The following RABL6 variants were observed in gnomAD, a reference collection of about 807,000 sequenced individuals.
The protein encoded by RABL6 is RAB, member RAS oncogene family like 6.
RABL6 carries 28 observed loss-of-function variants against 72.9 expected under a neutral mutation model. The ratio of observed to expected loss-of-function variants is 0.38; its 90% CI spans 0.28 to 0.53. RABL6 has a LOEUF of 0.53. RABL6 is among the 20% of genes least tolerant of loss of function. The probability of loss-of-function intolerance (pLI) is 0.80; values close to 1 mark genes in which losing one functional copy is unlikely to be tolerated. For missense variants in RABL6, 1,029 were observed against 1,008.4 expected (o/e 1.02, Z -0.28); for synonymous variants, 477 against 421.2 (o/e 1.13, Z -1.62).
chr9:136,840,512 A>AGGAGCTCTAGGCCGGC lies in RABL6; in HGVS notation c.2182_*7dup. On this transcript the variant is annotated stop_gained and frameshift_variant, in exon 15 of 15. Coordinates refer to ENST00000311502, the MANE Select transcript of RABL6 (RefSeq NM_024718.5). LOFTEE classifies it high-confidence loss of function. ...CGCCACCCTGGGGGTGGCGACTACG[A>AGGAGCTCTAGGCCGGC]GGAGCTCTAGGCCGGCGTGGGCAGT... 6.5e-7 allele frequency: 1 copy of AGGAGCTCTAGGCCGGC among 1,528,156 alleles called. No individual in the cohort carries two copies. Among genetic ancestry groups the AGGAGCTCTAGGCCGGC allele is most frequent in the Non-Finnish European group, 8.8e-7 (1 of 1,138,496 alleles). 94.7% of individuals were successfully genotyped at this position (1,528,156 alleles called of 1,614,324 possible).
intron 1 of RABL6, chr9:136,808,949 C>T (rs998891527): frequency 1.3e-5 from 2 of 152,180 alleles, no homozygotes; most frequent in African/African-American, 2.4e-5. Context: ...AAGGAGGAGT[C>T]ATTTACGGAC....
chr9:136,839,570 G>A, intron 12 of RABL6, 84 bp downstream of exon 12: 2 of 1,552,538 alleles, frequency 1.3e-6, no homozygotes, highest in East Asian at 2.3e-5. Context: ...TGCAGTGGGA[G>A]GAGGCTTCTG....
chr9:136,835,496 C>A, intron 7 of RABL6: 1 of 467,878 alleles, frequency 2.1e-6, no homozygotes, highest in Non-Finnish European at 3.8e-6. Context: ...CTGTGACTGA[C>A]AGCTGTCCCC....
In RABL6 at chr9:136,837,936, C is replaced by T. The variant is rs768380422; in HGVS notation, c.1201C>T (p.Arg401Cys). Residue 401 changes from arginine to cysteine, a missense_variant, in exon 10 of 15, where the codon CGC becomes TGC. By Grantham distance (180) the Arg-to-Cys change is radical (BLOSUM62 -3). Transcript: ENST00000311502. ...EDFVPDDRLD[R>C]SFLEDTTPAR... ...CTTTGTTCCTGACGACCGCCTGGAC[C>T]GCAGCTTCCTGGAAGACACAACCCC... 2.2e-5 allele frequency: 35 copies of T among 1,559,948 alleles called. No individual in the cohort carries two copies. The highest frequency in any genetic ancestry group is 1.5e-4 in the African/African-American group (11 of 73,396).
chr9:136,818,656 A>G (rs971656365), intron 1 of RABL6, among the ~76,000 whole-genome samples: 5 of 152,028 alleles, frequency 3.3e-5, no homozygotes, highest in African/African-American at 1.2e-4. Flanking sequence ...GAGACAGGAG[A>G]ATCACTTGAA....
At chr9:136,817,696 T>C (rs1449036606) in intron 1 of RABL6, among the ~76,000 whole-genome samples, 1 of 152,184 alleles carries the variant, frequency 6.6e-6, no homozygotes, top group African/African-American at 2.4e-5. Context: ...GTGCAAAGGC[T>C]CTTTTAGAAA....
Position 136,823,401 on chromosome 9 carries a change from T to C in RABL6, c.131-124T>C, listed in dbSNP as rs1240673783. On this transcript the variant is annotated intron_variant, in intron 1 of 14. Coordinates refer to ENST00000311502, the MANE Select transcript of RABL6 (RefSeq NM_024718.5). ...TCCCCTGCCTGCCGGTCACCTGGTC[T>C]GATTCTAGCAAGAAAGATGAAACAG... The C allele has an allele frequency of 3.7e-6, 5 of 1,339,874 alleles. No homozygotes were observed. In the African/African-American group the frequency reaches 7.3e-5, roughly 20 times the overall value. The allele number at this position is 1,339,874 out of a possible 1,614,324, so 83.0% of individuals were successfully genotyped here. A position where few individuals can be genotyped will look rare whatever the true frequency, so the allele number is the denominator to read the frequency against.
intron 1 of RABL6, chr9:136,810,130 G>C (rs1269253647): frequency 6.6e-6 from 1 of 152,210 alleles, no homozygotes; most frequent in Non-Finnish European, 1.5e-5. Context: ...TTTAGACTCT[G>C]CGTTTGGATC....
rs377011340 is a variant in RABL6 at position 136,826,298 on chromosome 9, G to C, written c.313+472G>C. ...CAGCACCAGCCCCCGGGGTGTCCTC[G>C]ACATCGTTGGTCTCCTCCTCAGCCA... On this transcript the variant is annotated intron_variant, in intron 3 of 14. Transcript: ENST00000311502. The surrounding 1 kb of genome is among the most constrained non-coding windows in gnomAD (Gnocchi z 4.9). 6.6e-6 allele frequency among the ~76,000 whole-genome samples: 1 copy of C among 152,112 alleles called. No homozygotes were observed. The highest frequency in any genetic ancestry group is 2.4e-5 in the African/African-American group (1 of 41,420).
chr9:136,825,653 G>A, intron 2 of RABL6, 126 bp from the exon 3 acceptor site: 1 of 1,017,302 alleles, frequency 9.8e-7, no homozygotes, highest in Admixed American at 1.7e-5. Context: ...CCCTGCTTCT[G>A]GACACTCGGA....
In RABL6 at chr9:136,838,919, G is replaced by A; in HGVS notation, c.1291G>A (p.Ala431Thr). Residue 431 changes from alanine to threonine, a missense_variant, in exon 11 of 15, where the codon GCC becomes ACC. Around this residue, in one of 2 missense-constraint regions of RABL6, gnomAD observed 595 missense variants for 472.4 expected, o/e 1.26. Transcript: ENST00000311502. The stretch of plus-strand genomic sequence containing the variant: ...CCCCCTGCTTTGCAGTGATGGGGAG[G>A]CCCTGGGCGGCAACCCGATGGTGGC... Reference protein sequence around the residue: ...AQQDSDSDGEALGGNPMVAGF... With the variant: ...AQQDSDSDGETLGGNPMVAGF... 9 of 1,593,948 alleles carry A rather than the reference G, an allele frequency of 5.6e-6. No homozygotes were observed. Among genetic ancestry groups the A allele is most frequent in the Non-Finnish European group, 7.7e-6 (9 of 1,169,918 alleles).
chr9:136,831,711 G>A lies in RABL6; in HGVS notation c.459-10G>A. The A allele has an allele frequency of 6.2e-7, 1 of 1,613,030 alleles. No homozygotes were observed. Among genetic ancestry groups the A allele is most frequent in the South Asian group, 1.1e-5 (1 of 91,084 alleles). Reference sequence around the variant, plus strand: ...CTGAAACTAAGCCAGGTCCTCACCTGTTCTCCGAGGACCTTCAATTACATT... The same window carrying A: ...CTGAAACTAAGCCAGGTCCTCACCTATTCTCCGAGGACCTTCAATTACATT... On this transcript the variant is annotated splice_polypyrimidine_tract_variant and intron_variant, in intron 5 of 14. Coordinates refer to ENST00000311502, the MANE Select transcript of RABL6 (RefSeq NM_024718.5).
intron 14 of RABL6, 44 bp downstream of exon 14, chr9:136,840,256 T>C (rs1430318201): frequency 1.2e-6 from 2 of 1,612,380 alleles, no homozygotes; most frequent in South Asian, 2.2e-5. Context: ...CTGGGTGGCA[T>C]GCGGTCCTGG....
At chr9:136,823,206 G>A (rs1479289660) in intron 1 of RABL6, among the ~76,000 whole-genome samples, 1 of 152,074 alleles carries the variant, frequency 6.6e-6, no homozygotes, top group African/African-American at 2.4e-5. Context: ...AGGGTCACCA[G>A]GGGTCCCAGG....
rs2131209858 is a variant in RABL6 at position 136,840,510 on chromosome 9, C to CGAG, written c.2182_2184dup (p.Glu728dup). ...GCCGCCACCCTGGGGGTGGCGACTACGAGGAGCTCTAGGCCGGCGTGGGCA... is the reference window on the plus strand; with the variant it reads ...GCCGCCACCCTGGGGGTGGCGACTACGAGGAGGAGCTCTAGGCCGGCGTGGGCA... On this transcript the variant is annotated inframe_insertion, in exon 15 of 15. Coordinates refer to ENST00000311502, the MANE Select transcript of RABL6 (RefSeq NM_024718.5). 6.6e-7 allele frequency: 1 copy of CGAG among 1,513,218 alleles called. No individual in the cohort carries two copies. Among genetic ancestry groups the CGAG allele is most frequent in the Non-Finnish European group, 8.9e-7 (1 of 1,129,022 alleles). 93.7% of individuals were successfully genotyped at this position (1,513,218 alleles called of 1,614,324 possible).
At chr9:136,816,093 GA>G (rs944618303) in intron 1 of RABL6, among the ~76,000 whole-genome samples, 1 of 151,920 alleles carries the variant, frequency 6.6e-6, no homozygotes, top group Admixed American at 6.6e-5. Flanking sequence ...ACCAGCAGGA[GA>G]AAAAAAAGAT....
intron 2 of RABL6, 33 bp from the exon 3 acceptor site, chr9:136,825,746 T>G (rs935573383): frequency 5.0e-6 from 8 of 1,609,278 alleles, no homozygotes; most frequent in Non-Finnish European, 6.8e-6. Flanking sequence ...AACTTCATGT[T>G]GGGCACTAAT....
At position 136,840,832 on chromosome 9, in the gene RABL6, C is replaced by G; in HGVS notation, c.*310C>G. 1 of 1,545,944 alleles carries G rather than the reference C, an allele frequency of 6.5e-7. No homozygotes were observed. Among genetic ancestry groups the G allele is most frequent in the Non-Finnish European group, 8.7e-7 (1 of 1,146,240 alleles). On this transcript the variant is annotated 3_prime_UTR_variant, in exon 15 of 15. Transcript: ENST00000311502. ...GATGTGACTGAGGCCCAGGAGGGACCTGTGAGGGTCTGTTTACAGAGGCTG... is the reference window on the plus strand; with the variant it reads ...GATGTGACTGAGGCCCAGGAGGGACGTGTGAGGGTCTGTTTACAGAGGCTG...
chr9:136,835,681 G>C, intron 7 of RABL6, 61 bp from the exon 8 acceptor site: 1 of 1,457,350 alleles, frequency 6.9e-7, no homozygotes, highest in Non-Finnish European at 9.3e-7. Flanking sequence ...AGGGGCTGTG[G>C]GGCTGGGGCA....
Sources: gnomAD v4.1 joint callset for allele counts (sites outside exome capture counted in the v4.1 genomes callset) on GRCh38, gnomAD v4.1.1 for gene constraint, gnomAD v4.1.1 regional missense constraint, Gnocchi (gnomAD v3.1) non-coding constraint, MANE v1.5 for transcripts, NCBI Gene and HGNC (gene_info 2026-07-23, HGNC 2026-07-21) for gene names.